The following ANKRD13A variants were observed in gnomAD, a reference collection of about 807,000 sequenced individuals.
The protein encoded by ANKRD13A is ankyrin repeat domain-containing protein 13A.
In ANKRD13A, 48 loss-of-function variants were observed where a neutral mutation model predicts 81.3. The observed-to-expected ratio is 0.59, with a 90% CI of 0.47 to 0.75. The LOEUF (loss-of-function observed/expected upper bound fraction) is 0.75. Among genes scored for constraint, ANKRD13A ranks in the 30% least tolerant of loss-of-function variants. The pLI, the probability that ANKRD13A is intolerant of heterozygous loss-of-function variation, is 0.00. For synonymous variants in ANKRD13A, 230 were observed against 270.1 expected (o/e 0.85, Z 1.45); for missense variants, 612 against 734.0 (o/e 0.83, Z 1.92).
In ANKRD13A at chr12:109,999,719, T is replaced by C. The variant is rs756596856; in HGVS notation, c.31T>C (p.Tyr11His). The C allele has an allele frequency of 3.3e-6, 5 of 1,538,450 alleles. No individual in the cohort carries two copies. In the South Asian group the frequency reaches 6.0e-5, roughly 19 times the overall value. Residue 11 changes from tyrosine to histidine, a missense_variant, in exon 1 of 15, where the codon TAC becomes CAC. Coordinates refer to ENST00000261739, the MANE Select transcript of ANKRD13A (RefSeq NM_033121.2). The surrounding 1 kb of genome is among the most constrained non-coding windows in gnomAD (Gnocchi z 4.3). ...CTCGGCCTGCGACGCGGGCGACCACTACCCCCTGCACCTCCTAGTCTGGAA... is the reference window on the plus strand; with the variant it reads ...CTCGGCCTGCGACGCGGGCGACCACCACCCCCTGCACCTCCTAGTCTGGAA... MSSACDAGDH[Y>H]PLHLLVWKND...
rs2137195260 is a variant in ANKRD13A at position 110,036,882 on chromosome 12, C to T, written c.1578-477C>T. Among the ~76,000 whole-genome samples, 1 of 152,270 alleles carries T rather than the reference C, an allele frequency of 6.6e-6. No homozygotes were observed. Among genetic ancestry groups the T allele is most frequent in the East Asian group, 1.9e-4 (1 of 5,186 alleles). The stretch of plus-strand genomic sequence containing the variant: ...TGCTGACTGGTTCACAGGTCAGTGC[C>T]ATTGGGGGAAACGTACTGAGTCAGT... On this transcript the variant is annotated intron_variant, in intron 14 of 14. Transcript: ENST00000261739. This position sits in a 1 kb window ranked among gnomAD's most constrained non-coding sequence, Gnocchi z 4.6.
At position 110,033,864 on chromosome 12, in the gene ANKRD13A, A is replaced by G; in HGVS notation, c.1416A>G (p.Gln472=). The part of the protein sequence containing the change: ...VFEIPESYYV[Q]DNGRNVHLQD... Reference sequence around the variant, plus strand: ...AAATTCCCGAATCTTACTATGTTCAAGACAATGGCAGAAATGTGCATTTGC... The same window carrying G: ...AAATTCCCGAATCTTACTATGTTCAGGACAATGGCAGAAATGTGCATTTGC... The change falls in exon 13 of 15, where the codon CAA becomes CAG. Residue 472 remains glutamine, a synonymous_variant. Transcript: ENST00000261739. The G allele has an allele frequency of 6.2e-7, 1 of 1,613,590 alleles. No individual in the cohort carries two copies. The highest frequency in any genetic ancestry group is 8.5e-7 in the Non-Finnish European group (1 of 1,179,784).
At position 110,027,130 on chromosome 12, in the gene ANKRD13A, T is replaced by A. The variant is rs771891766; in HGVS notation, c.884-575T>A. The A allele has an allele frequency of 2.0e-5, 3 of 152,676 alleles. No individual in the cohort carries two copies. The East Asian group carries it at 5.8e-4, about 29-fold the overall frequency. The allele number at this position is 152,676 out of a possible 1,614,324, so 9.5% of individuals were successfully genotyped here. On this transcript the variant is annotated intron_variant, in intron 8 of 14. Coordinates refer to ENST00000261739, the MANE Select transcript of ANKRD13A (RefSeq NM_033121.2). ...AGAACTTGGGGTCCAAGCAAAAACA[T>A]TGCATGTGGTTGCCACATCCCAGCC...
chr12:110,000,151 A>G (rs1593190956), intron 1 of ANKRD13A, among the ~76,000 whole-genome samples: 1 of 152,106 alleles, frequency 6.6e-6, no homozygotes, highest in African/African-American at 2.4e-5. Flanking sequence ...CGTCTTAACC[A>G]TTTTTAGGTT....
chr12:110,032,189 A>G (rs912169353), intron 12 of ANKRD13A: 2 of 152,090 alleles, frequency 1.3e-5, no homozygotes, highest in African/African-American at 2.4e-5. Context: ...TTAGCTGTGT[A>G]GGTTTTTTAT....
At chr12:110,011,109 A>G (rs1272407181) in intron 1 of ANKRD13A, among the ~76,000 whole-genome samples, 2 of 98,390 alleles carry the variant, frequency 2.0e-5, no homozygotes, top group African/African-American at 1.8e-4. Context: ...TGTTTAAAAG[A>G]AAAAAAAAAA....
At chr12:110,012,478 G>A (rs1022832433) in intron 2 of ANKRD13A, among the ~76,000 whole-genome samples, 1 of 152,150 alleles carries the variant, frequency 6.6e-6, no homozygotes, top group African/African-American at 2.4e-5. Context: ...CAAGGGATGG[G>A]GACAAGGAAA....
chr12:110,016,793 G>T (rs941200952), intron 4 of ANKRD13A, among the ~76,000 whole-genome samples: 1 of 151,056 alleles, frequency 6.6e-6, no homozygotes, highest in African/African-American at 2.4e-5. Flanking sequence ...ATTTTTTTGA[G>T]ACAGAGTCTC....
intron 6 of ANKRD13A, chr12:110,022,448 C>G (rs1283839879): frequency 4.8e-5 from 3 of 62,792 alleles, no homozygotes; most frequent in Non-Finnish European, 6.6e-5. Flanking sequence ...GAGTCCATCT[C>G]AAAAAAAAAA....
rs151069038 is a variant in ANKRD13A, at chr12:110,009,444, T to C, written c.97-2561T>C. On this transcript the variant is annotated intron_variant, in intron 1 of 14. Transcript: ENST00000261739. ...TTGCTAATATTCCATCTTTAATTCC[T>C]GATTTTAGTAAGTTAAGTCTTCTCT... Among the ~76,000 whole-genome samples the C allele has an allele frequency of 7.1e-4, 108 of 152,348 alleles. 1 individual carries two copies. The highest frequency in any genetic ancestry group is 3.4e-3 in the Middle Eastern group (1 of 294).
rs769771483 is a variant in ANKRD13A at position 110,011,990 on chromosome 12, G to A, written c.97-15G>A. ...AATACATCCAATTATGTAAATGCCA[G>A]TGTTTCCTTCACAGAATGTGGAGGC... On this transcript the variant is annotated splice_polypyrimidine_tract_variant and intron_variant, in intron 1 of 14. Transcript: ENST00000261739. 2 of 1,582,858 alleles carry A rather than the reference G, an allele frequency of 1.3e-6. No homozygotes were observed. Among genetic ancestry groups the A allele is most frequent in the South Asian group, 2.2e-5 (2 of 89,274 alleles).
chr12:110,034,637 C>T (rs1392088657), intron 13 of ANKRD13A, among the ~76,000 whole-genome samples: 1 of 152,168 alleles, frequency 6.6e-6, no homozygotes, highest in Non-Finnish European at 1.5e-5. Flanking sequence ...CTGGTTCTCC[C>T]TCCATGCCTC....
chr12:110,029,206 G>A (rs984827654), intron 10 of ANKRD13A: 1 of 319,348 alleles, frequency 3.1e-6, no homozygotes, highest in African/African-American at 2.1e-5. Flanking sequence ...AAATGAAACT[G>A]TTCCACCCGC....
intron 4 of ANKRD13A, among the ~76,000 whole-genome samples, chr12:110,016,815 C>G (rs1226142101): frequency 6.6e-6 from 1 of 151,240 alleles, no homozygotes; most frequent in Non-Finnish European, 1.5e-5. Context: ...CTCTGTTGTC[C>G]AGGCTGGAGT....
intron 1 of ANKRD13A, among the ~76,000 whole-genome samples, chr12:110,002,622 C>CA (rs1001509987): frequency 1.6e-3 from 243 of 151,778 alleles, no homozygotes; most frequent in South Asian, 2.7e-3. Context: ...ACTCAAAAAA[C>CA]AAAAAAAACC....
In ANKRD13A at chr12:110,038,919, T is replaced by G. The variant is rs2137202234; in HGVS notation, c.*1365T>G. The stretch of plus-strand genomic sequence containing the variant: ...AAACAACACCCTCCTCCATTTTGCG[T>G]CTATTTCTTCTATTGTGCTTCTTTG... On this transcript the variant is annotated 3_prime_UTR_variant, in exon 15 of 15. Transcript: ENST00000261739. The G allele has an allele frequency of 6.6e-6, 1 of 152,324 alleles. No individual in the cohort carries two copies. Among genetic ancestry groups the G allele is most frequent in the African/African-American group, 2.4e-5 (1 of 41,564 alleles). 9.4% of individuals were successfully genotyped at this position (152,324 alleles called of 1,614,324 possible). A position where few individuals can be genotyped will look rare whatever the true frequency, so the allele number is the denominator to read the frequency against.
rs1566048363 is a variant in ANKRD13A at position 110,010,628 on chromosome 12, A to G, written c.97-1377A>G. Among the ~76,000 whole-genome samples the G allele has an allele frequency of 3.9e-5, 6 of 152,302 alleles. No homozygotes were observed. In the South Asian group the frequency reaches 1.2e-3, roughly 32 times the overall value. ...ACTGGGCTCCAGGAGACAGGAAGGT[A>G]TTTTAGCACCGGGGGAACACTGAGG... On this transcript the variant is annotated intron_variant, in intron 1 of 14. Coordinates refer to ENST00000261739, the MANE Select transcript of ANKRD13A (RefSeq NM_033121.2).
chr12:110,006,271 C>T (rs1890237883), intron 1 of ANKRD13A, among the ~76,000 whole-genome samples: 1 of 152,174 alleles, frequency 6.6e-6, no homozygotes, highest in African/African-American at 2.4e-5. Context: ...ACATTTCCAC[C>T]AGCAGTGTAT....
intron 12 of ANKRD13A, chr12:110,032,620 A>AT (rs1891758337): frequency 6.6e-6 from 1 of 152,246 alleles, no homozygotes; most frequent in African/African-American, 2.4e-5. Flanking sequence ...AAAGAAAGTT[A>AT]TGCACATGAG....
Sources: allele counts gnomAD v4.1 joint callset (sites outside exome capture counted in the v4.1 genomes callset), GRCh38; gene constraint gnomAD v4.1.1; non-coding constraint Gnocchi (gnomAD v3.1); transcripts MANE v1.5; gene names NCBI Gene and HGNC (gene_info 2026-07-23, HGNC 2026-07-21).